TSPEAR: variants seen among roughly 807,000 people sequenced by gnomAD.
The protein encoded by TSPEAR is thrombospondin-type laminin G domain and EAR repeat-containing protein.
TSPEAR carries 69 observed loss-of-function variants against 71.6 expected under a neutral mutation model. The observed-to-expected ratio is 0.96, with a 90% confidence interval of 0.79 to 1.18. The LOEUF (loss-of-function observed/expected upper bound fraction) is 1.18, where lower values mean the gene tolerates loss of function less well. Among genes scored for constraint, TSPEAR ranks in the 50% most tolerant of loss-of-function variants. The pLI is 0.00. For missense variants in TSPEAR, 971 were observed against 894.9 expected (o/e 1.09, Z -1.09); for synonymous variants, 402 against 387.2 (o/e 1.04, Z -0.45).
chr21:44,517,111 G>C (rs1198995141), intron 9 of TSPEAR: 1 of 152,500 alleles, frequency 6.6e-6, no homozygotes, highest in Non-Finnish European at 1.5e-5. Context: ...GACACACTTT[G>C]TGCTCCGTGG....
At chr21:44,586,306 T>C (rs782054936) in intron 1 of TSPEAR, among the ~76,000 whole-genome samples, 1 of 152,268 alleles carries the variant, frequency 6.6e-6, no homozygotes, top group Admixed American at 6.5e-5. Flanking sequence ...GATCTTTTTG[T>C]CTTGTCTGTC....
intron 1 of TSPEAR, among the ~76,000 whole-genome samples, chr21:44,652,732 G>A (rs140769486): frequency 4.3e-4 from 65 of 152,280 alleles, no homozygotes; most frequent in Non-Finnish European, 8.8e-4. Flanking sequence ...ACATTAAGGC[G>A]TGCCAGGTTT....
intron 2 of TSPEAR, chr21:44,538,949 T>G (rs2053146292): frequency 4.6e-6 from 2 of 438,226 alleles, no homozygotes; most frequent in South Asian, 6.8e-5. Flanking sequence ...CTCAAAACCA[T>G]GTGTCCCCCA....
intron 1 of TSPEAR, chr21:44,654,787 T>C: frequency 3.4e-6 from 2 of 586,394 alleles, no homozygotes; most frequent in African/African-American, 1.9e-5. Flanking sequence ...TGTGTTTTTC[T>C]GTTGAGGTTA....
rs1981823394 is a variant in TSPEAR, at chr21:44,612,991, C to T, written c.83-44986G>A. On this transcript the variant is annotated intron_variant, in intron 1 of 11. Transcript: ENST00000323084. The surrounding 1 kb of genome is among the most constrained non-coding windows in gnomAD (Gnocchi z 4.1). ...CTGCCCCTACCTGGGATGGGGTCTCCATGTCTCCCCTGTGCTGAGGTGACC... is the reference window on the plus strand; with the variant it reads ...CTGCCCCTACCTGGGATGGGGTCTCTATGTCTCCCCTGTGCTGAGGTGACC... The T allele has an allele frequency of 6.8e-7, 1 of 1,474,066 alleles. No homozygotes were observed. The allele number at this position is 1,474,066 out of a possible 1,614,324, so 91.3% of individuals were successfully genotyped here.
intron 6 of TSPEAR, 64 bp downstream of exon 6, chr21:44,528,388 C>T (rs1601367597): frequency 1.2e-6 from 2 of 1,605,270 alleles, no homozygotes; most frequent in East Asian, 4.5e-5. Context: ...CTAGCCTCCA[C>T]TCCCAGTCAC....
At chr21:44,521,226 C>T (rs1601354759) in intron 9 of TSPEAR, among the ~76,000 whole-genome samples, 1 of 152,204 alleles carries the variant, frequency 6.6e-6, no homozygotes, top group African/African-American at 2.4e-5. Context: ...GAGGCTGAGC[C>T]CGAGGTGGGA....
intron 1 of TSPEAR, among the ~76,000 whole-genome samples, chr21:44,621,498 C>A (rs1982432077): frequency 6.6e-6 from 1 of 152,220 alleles, no homozygotes. Flanking sequence ...TCATCAGGCT[C>A]CTTTCCTGGC....
chr21:44,622,788 C>T (rs464601), intron 1 of TSPEAR, among the ~76,000 whole-genome samples: 81,619 of 152,054 alleles, frequency 0.54, 22,606 homozygotes, highest in East Asian at 0.69. Flanking sequence ...TTGTGAGTGA[C>T]ATGGTTTGGT....
intron 2 of TSPEAR, among the ~76,000 whole-genome samples, chr21:44,555,095 G>C (rs1390443984): frequency 6.6e-6 from 1 of 152,152 alleles, no homozygotes; most frequent in Non-Finnish European, 1.5e-5. Flanking sequence ...ACAAACCGTG[G>C]TGGATATCCT....
In TSPEAR at chr21:44,647,210, T is replaced by C. The variant is rs199933627; in HGVS notation, c.82+64223A>G. 3.1e-6 allele frequency: 5 copies of C among 1,613,280 alleles called. No individual in the cohort carries two copies. The African/African-American group carries it at 4.0e-5, about 13-fold the overall frequency. On this transcript the variant is annotated intron_variant, in intron 1 of 11. Transcript: ENST00000323084. ...CCCGTGTGCAGGTCCACCTGCTGTG[T>C]GCCCGTCTCCTCCTGCTGTGCCCCC... is the stretch of plus-strand genomic sequence containing the variant.
Position 44,709,891 on chromosome 21 carries a change from A to G in TSPEAR, c.82+1542T>C, listed in dbSNP as rs1388770794. ...TTCCAAATGCAGCTCAATATTACTT[A>G]CTTGACTTTTATCTTTCCTCCCTGG... On this transcript the variant is annotated intron_variant, in intron 1 of 11. Coordinates refer to ENST00000323084, the MANE Select transcript of TSPEAR (RefSeq NM_144991.3). Among the ~76,000 whole-genome samples the G allele has an allele frequency of 2.2e-4, 33 of 152,198 alleles. 1 individual carries two copies. The highest frequency in any genetic ancestry group is 4.7e-4 in the Non-Finnish European group (32 of 68,034).
rs142413792 is a variant in TSPEAR, at chr21:44,678,819, C to T, written c.82+32614G>A. Among the ~76,000 whole-genome samples, 645 of 152,194 alleles carry T rather than the reference C, an allele frequency of 4.2e-3. 4 individuals carry two copies. Among genetic ancestry groups the T allele is most frequent in the African/African-American group, 0.015 (612 of 41,514 alleles). ...CAACATATAAAAATCAGTAGTGTTT[C>T]GATACACCAATAACAAACTAGCTGA... On this transcript the variant is annotated intron_variant, in intron 1 of 11. Coordinates refer to ENST00000323084, the MANE Select transcript of TSPEAR (RefSeq NM_144991.3).
In TSPEAR at chr21:44,687,502, C is replaced by A. The variant is rs1467254923; in HGVS notation, c.82+23931G>T. Reference sequence around the variant, plus strand: ...CGGCAACAGGAACGCATCGCAGAAACACCGCGCGGGGTGGGAGAGGCCGGC... The same window carrying A: ...CGGCAACAGGAACGCATCGCAGAAAAACCGCGCGGGGTGGGAGAGGCCGGC... On this transcript the variant is annotated intron_variant, in intron 1 of 11. Transcript: ENST00000323084. This position sits in a 1 kb window ranked among gnomAD's most constrained non-coding sequence, Gnocchi z 4.4. Among the ~76,000 whole-genome samples the A allele has an allele frequency of 6.6e-6, 1 of 152,224 alleles. No homozygotes were observed. Among genetic ancestry groups the A allele is most frequent in the East Asian group, 1.9e-4 (1 of 5,204 alleles).
At chr21:44,538,618 G>A (rs1555916663) in intron 2 of TSPEAR, among the ~76,000 whole-genome samples, 2 of 152,290 alleles carry the variant, frequency 1.3e-5, no homozygotes, top group East Asian at 1.9e-4. Context: ...CACAGGGAGG[G>A]TGACCAGGCC....
intron 1 of TSPEAR, chr21:44,654,599 G>A: frequency 6.4e-7 from 1 of 1,572,804 alleles, no homozygotes; most frequent in Non-Finnish European, 8.6e-7. Context: ...CCCGAAGAGT[G>A]GCTGGTGTGG....
chr21:44,711,400 A>AC lies in TSPEAR; in HGVS notation c.82+32dup, dbSNP rs781905951. ...ACCCCTCCCAGCTCCCCGGCAAGATACCCCCGCCCGAGTTCCCATGCCCCT... is the reference window on the plus strand; with the variant it reads ...ACCCCTCCCAGCTCCCCGGCAAGATACCCCCCGCCCGAGTTCCCATGCCCCT... On this transcript the variant is annotated intron_variant, in intron 1 of 11. Transcript: ENST00000323084. This position sits in a 1 kb window ranked among gnomAD's most constrained non-coding sequence, Gnocchi z 4.5. 1.5e-5 allele frequency: 24 copies of AC among 1,555,996 alleles called. No individual in the cohort carries two copies. The highest frequency in any genetic ancestry group is 1.2e-4 in the East Asian group (5 of 42,250).
chr21:44,572,190 A>G (rs963256704), intron 1 of TSPEAR, among the ~76,000 whole-genome samples: 1 of 152,104 alleles, frequency 6.6e-6, no homozygotes, highest in Non-Finnish European at 1.5e-5. Flanking sequence ...AAAACACCCA[A>G]CCGGTCAAGG....
chr21:44,513,973 C>T (rs782249639), intron 9 of TSPEAR, among the ~76,000 whole-genome samples: 2 of 152,128 alleles, frequency 1.3e-5, no homozygotes, highest in Non-Finnish European at 2.9e-5. Context: ...AGCACACTCC[C>T]CAGCCAACTC....
Sources: gnomAD v4.1 joint callset for allele counts (sites outside exome capture counted in the v4.1 genomes callset) on GRCh38, gnomAD v4.1.1 for gene constraint, Gnocchi (gnomAD v3.1) non-coding constraint, MANE v1.5 for transcripts, NCBI Gene and HGNC (gene_info 2026-07-23, HGNC 2026-07-21) for gene names.